GALNT14: variants seen among roughly 807,000 people sequenced by gnomAD.
GALNT14 encodes polypeptide N-acetylgalactosaminyltransferase 14.
GALNT14 carries 60 observed loss-of-function variants against 77.5 expected under a neutral mutation model. The ratio of observed to expected loss-of-function variants is 0.77; its 90% CI spans 0.63 to 0.96. The LOEUF is 0.96. Among genes scored for constraint, GALNT14 ranks in the 40% least tolerant of loss-of-function variants. GALNT14 has a pLI of 0.00. For synonymous variants in GALNT14, 280 were observed against 281.7 expected, an observed-to-expected ratio of 0.99 and a Z score of 0.06; for missense variants, 710 against 731.0, an observed-to-expected ratio of 0.97 and a Z score of 0.33.
chr2:30,929,240 A>C lies in GALNT14; in HGVS notation c.1151+155T>G, dbSNP rs943577666. On this transcript the variant is annotated intron_variant, in intron 11 of 14. Coordinates refer to ENST00000349752, the MANE Select transcript of GALNT14 (RefSeq NM_024572.4). ...AAGCCCTGCACATCCAGAGCTGGGC[A>C]GGAGCTCTGAGGAATAGGAAAGAAG... Among the ~76,000 whole-genome samples the C allele has an allele frequency of 3.3e-5, 5 of 152,328 alleles. No individual in the cohort carries two copies. The East Asian group carries it at 9.7e-4, about 29-fold the overall frequency.
chr2:31,076,402 C>T (rs1675788448), intron 1 of GALNT14, among the ~76,000 whole-genome samples: 1 of 152,130 alleles, frequency 6.6e-6, no homozygotes, highest in Admixed American at 6.5e-5. Context: ...TCAGAACCAA[C>T]TCTGCTCCTG....
chr2:31,124,216 C>T (rs899112324), intron 1 of GALNT14, among the ~76,000 whole-genome samples: 1 of 152,200 alleles, frequency 6.6e-6, no homozygotes, highest in African/African-American at 2.4e-5. Flanking sequence ...CCCATCTTTC[C>T]TGCTTGCCAA....
At chr2:30,941,754 C>T (rs144627032) in intron 9 of GALNT14, among the ~76,000 whole-genome samples, 2 of 152,334 alleles carry the variant, frequency 1.3e-5, no homozygotes, top group African/African-American at 4.8e-5. Flanking sequence ...AGCCAACAGA[C>T]TTTAATGGAT....
intron 8 of GALNT14, 70 bp from the exon 9 acceptor site, chr2:30,942,374 CT>C: frequency 1.6e-6 from 2 of 1,213,298 alleles, no homozygotes. Flanking sequence ...TCTTCGGCCC[CT>C]TGAGTCTGAA....
intron 1 of GALNT14, among the ~76,000 whole-genome samples, chr2:31,019,178 G>A (rs1219608870): frequency 6.6e-6 from 1 of 152,176 alleles, no homozygotes; most frequent in Non-Finnish European, 1.5e-5. Context: ...TTCTGGGACA[G>A]AAGCCCCAGA....
At chr2:31,017,703 C>T (rs1468159106) in intron 1 of GALNT14, among the ~76,000 whole-genome samples, 1 of 152,096 alleles carries the variant, frequency 6.6e-6, no homozygotes, top group South Asian at 2.1e-4. Flanking sequence ...CCTAGAAAGC[C>T]CAGCACCTCT....
At chr2:30,937,377 C>T (rs956081704) in intron 9 of GALNT14, among the ~76,000 whole-genome samples, 1 of 152,176 alleles carries the variant, frequency 6.6e-6, no homozygotes, top group Non-Finnish European at 1.5e-5. Context: ...TTTGGCGGAG[C>T]CCTCTGCTTA....
chr2:30,905,167 A>C, the GALNT14 span, among the ~76,000 whole-genome samples: 1 of 152,108 alleles, frequency 6.6e-6, no homozygotes, highest in African/African-American at 2.4e-5. Flanking sequence ...TCCTCCTCCA[A>C]AGGAACGCAG....
At chr2:31,117,802 T>C (rs1228695211) in intron 1 of GALNT14, among the ~76,000 whole-genome samples, 2 of 152,158 alleles carry the variant, frequency 1.3e-5, no homozygotes, top group African/African-American at 4.8e-5. Context: ...GCTTACACAG[T>C]AGTCTTGGGT....
intron 1 of GALNT14, among the ~76,000 whole-genome samples, chr2:31,068,200 T>C (rs979880835): frequency 2.0e-5 from 3 of 152,144 alleles, no homozygotes; most frequent in South Asian, 2.1e-4. Context: ...AAAAGGTCCA[T>C]AATTGGCTGG....
intron 1 of GALNT14, among the ~76,000 whole-genome samples, chr2:31,099,892 AAACTT>A (rs1677179903): frequency 6.6e-6 from 1 of 152,022 alleles, no homozygotes; most frequent in Non-Finnish European, 1.5e-5. Context: ...ACTTTAAAAC[AAACTT>A]AACTAGTTTT....
At chr2:30,979,293 G>C (rs969289641) in intron 2 of GALNT14, among the ~76,000 whole-genome samples, 1 of 152,208 alleles carries the variant, frequency 6.6e-6, no homozygotes, top group African/African-American at 2.4e-5. Context: ...AATGGGAGTG[G>C]GGGGAGAGCA....
chr2:30,951,231 G>A (rs74792776), intron 6 of GALNT14, among the ~76,000 whole-genome samples: 2,234 of 152,330 alleles, frequency 0.015, 56 homozygotes, highest in African/African-American at 0.052. Context: ...TATTAGCCAT[G>A]AAAATGAATG....
intron 1 of GALNT14, chr2:31,078,946 A>C: frequency 1.6e-6 from 2 of 1,289,342 alleles, no homozygotes; most frequent in Middle Eastern, 2.1e-4. Context: ...GACACGACTC[A>C]TCTTGGGCCA....
At chr2:31,050,220 A>T (rs1326929382) in intron 1 of GALNT14, among the ~76,000 whole-genome samples, 1 of 152,210 alleles carries the variant, frequency 6.6e-6, no homozygotes, top group Non-Finnish European at 1.5e-5. Context: ...AGCATCAGCA[A>T]CAGCCAGCTT....
At chr2:30,923,921 G>C (rs562671509) in intron 13 of GALNT14, among the ~76,000 whole-genome samples, 198 bp downstream of exon 13, 16 of 152,300 alleles carry the variant, frequency 1.1e-4, no homozygotes, top group Non-Finnish European at 2.4e-4. Flanking sequence ...TCTTTCAGAG[G>C]AACTCTATGC....
chr2:31,083,873 G>T (rs1676276934), intron 1 of GALNT14, among the ~76,000 whole-genome samples: 2 of 152,206 alleles, frequency 1.3e-5, no homozygotes, highest in African/African-American at 2.4e-5. Context: ...TGCTGCTGCT[G>T]CTGAGTCTCA....
At chr2:30,908,790 G>T (rs372898727), downstream of GALNT14, among the ~76,000 whole-genome samples, 1 of 142,394 alleles carries the variant, frequency 7.0e-6, no homozygotes. Context: ...GAGGCATCAC[G>T]CTACCTGACT....
chr2:31,084,345 G>A (rs1407164850), intron 1 of GALNT14, among the ~76,000 whole-genome samples: 1 of 152,156 alleles, frequency 6.6e-6, no homozygotes, highest in Non-Finnish European at 1.5e-5. Flanking sequence ...TGAAGACATG[G>A]GTCAGGACAG....
Sources: allele counts gnomAD v4.1 joint callset (sites outside exome capture counted in the v4.1 genomes callset), GRCh38; gene constraint gnomAD v4.1.1; transcripts MANE v1.5; gene names NCBI Gene and HGNC (gene_info 2026-07-23, HGNC 2026-07-21).